PHIP: variants seen among roughly 807,000 people sequenced by gnomAD.
PHIP encodes the protein PHIP subunit of CUL4-Ring ligase complex.
In PHIP, 54 loss-of-function variants were observed where a neutral mutation model predicts 236.8. That is an observed-to-expected ratio of 0.23 (90% CI 0.18 to 0.29). The LOEUF (loss-of-function observed/expected upper bound fraction) is 0.29, where lower values mean the gene tolerates loss of function less well. PHIP is among the 10% of genes least tolerant of loss of function. The pLI is 1.00. For missense variants in PHIP, 1,370 were observed against 2,190.8 expected (o/e 0.63, Z 7.48); for synonymous variants, 756 against 718.9 (o/e 1.05, Z -0.83).
At chr6:78,959,482 T>A (rs1358735275) in intron 31 of PHIP, among the ~76,000 whole-genome samples, 1 of 152,072 alleles carries the variant, frequency 6.6e-6, no homozygotes, top group Admixed American at 6.6e-5. Context: ...CAGGGCAAAC[T>A]GACAGTAATA....
intron 6 of PHIP, among the ~76,000 whole-genome samples, chr6:79,047,603 G>A (rs1461729138): frequency 3.3e-5 from 5 of 152,026 alleles, no homozygotes; most frequent in East Asian, 1.9e-4. Context: ...CAAGTTACTC[G>A]TTCTAAACTT....
chr6:79,042,064 T>TA (rs1399405747), intron 7 of PHIP, among the ~76,000 whole-genome samples: 1 of 152,010 alleles, frequency 6.6e-6, no homozygotes, highest in African/African-American at 2.4e-5. Context: ...CAAAAGAAAT[T>TA]AAAAACCTTG....
At chr6:78,980,870 A>G (rs1768480556) in intron 23 of PHIP, among the ~76,000 whole-genome samples, 1 of 152,080 alleles carries the variant, frequency 6.6e-6, no homozygotes, top group Non-Finnish European at 1.5e-5. Flanking sequence ...AATATGGACT[A>G]TTAATTGCTA....
At chr6:79,042,734 G>T in intron 7 of PHIP, 109 bp downstream of exon 7, 1 of 700,686 alleles carries the variant, frequency 1.4e-6, no homozygotes, top group Non-Finnish European at 2.2e-6. Context: ...CTGAATTTCC[G>T]GTTTCCTATT....
intron 4 of PHIP, among the ~76,000 whole-genome samples, chr6:79,064,498 G>C (rs1773527634): frequency 1.3e-5 from 2 of 152,106 alleles, no homozygotes; most frequent in Admixed American, 1.3e-4. Context: ...ACAAAAAATA[G>C]CTCTTATCAA....
Position 79,078,099 on chromosome 6 carries a change from G to A in PHIP, c.-31C>T. The A allele has an allele frequency of 6.2e-7, 1 of 1,605,268 alleles. No homozygotes were observed. The highest frequency in any genetic ancestry group is 1.3e-5 in the African/African-American group (1 of 74,328). ...TGGGTCACTTCAGGGCCGCCGACGGGACACCCCGCCGCCGAGGGGAAGCGG... is the reference window on the plus strand; with the variant it reads ...TGGGTCACTTCAGGGCCGCCGACGGAACACCCCGCCGCCGAGGGGAAGCGG... On this transcript the variant is annotated 5_prime_UTR_variant, in exon 1 of 40. Transcript: ENST00000275034.
At chr6:78,978,519 C>G (rs563879367) in intron 24 of PHIP, 73 bp downstream of exon 24, 7 of 1,234,110 alleles carry the variant, frequency 5.7e-6, no homozygotes, top group Non-Finnish European at 5.7e-6. Context: ...TTCCAGAAGT[C>G]TATTTCAAGA....
intron 35 of PHIP, among the ~76,000 whole-genome samples, 183 bp from the exon 36 acceptor site, chr6:78,947,958 C>CA (rs1282613685): frequency 6.6e-6 from 1 of 151,936 alleles, no homozygotes; most frequent in Non-Finnish European, 1.5e-5. Flanking sequence ...TACTCCCCCC[C>CA]CTTATACTGC....
intron 4 of PHIP, among the ~76,000 whole-genome samples, chr6:79,075,713 G>A (rs1251249084): frequency 6.6e-6 from 1 of 151,670 alleles, no homozygotes; most frequent in Non-Finnish European, 1.5e-5. Context: ...ACATTAAGCT[G>A]CTTCATTTAA....
intron 15 of PHIP, among the ~76,000 whole-genome samples, chr6:79,010,705 C>A (rs756986005): frequency 6.6e-6 from 1 of 151,524 alleles, no homozygotes; most frequent in African/African-American, 2.4e-5. Context: ...AAAGCAAAAC[C>A]GCCAGAAACA....
chr6:78,966,098 G>A, intron 27 of PHIP, 42 bp from the exon 28 acceptor site: 1 of 1,192,550 alleles, frequency 8.4e-7, no homozygotes, highest in Non-Finnish European at 1.3e-6. Context: ...TGAAATGCAT[G>A]GCTGCTGTCA....
rs1361379556 is a variant in PHIP, at chr6:78,941,090, G to A, written c.5069C>T (p.Ser1690Leu). The A allele has an allele frequency of 1.2e-6, 2 of 1,613,940 alleles. No homozygotes were observed. The highest frequency in any genetic ancestry group is 8.5e-7 in the Non-Finnish European group (1 of 1,179,890). Residue 1690 changes from serine to leucine, a missense_variant, in exon 40 of 40, where the codon TCA (serine) becomes TTA (leucine). Ser to Leu is a moderately radical substitution (Grantham distance 145, BLOSUM62 -2). Coordinates refer to ENST00000275034, the MANE Select transcript of PHIP (RefSeq NM_017934.7). ...HPIRDEVLPSSTCNFLSETNN... is the reference protein window; with the variant it reads ...HPIRDEVLPSLTCNFLSETNN... Reference sequence around the variant, plus strand: ...AGTTTCAGAAAGAAAATTGCATGTTGAAGAAGGAAGTACTTCATCTCTGAT... The same window carrying A: ...AGTTTCAGAAAGAAAATTGCATGTTAAAGAAGGAAGTACTTCATCTCTGAT...
chr6:79,035,584 C>T (rs1562197005), intron 7 of PHIP, among the ~76,000 whole-genome samples: 1 of 152,298 alleles, frequency 6.6e-6, no homozygotes, highest in Admixed American at 6.5e-5. Context: ...CTACTGTTAT[C>T]TGGCAGAGTC....
At chr6:79,055,184 A>T (rs931837018) in intron 6 of PHIP, among the ~76,000 whole-genome samples, 1 of 152,158 alleles carries the variant, frequency 6.6e-6, no homozygotes, top group African/African-American at 2.4e-5. Flanking sequence ...AAAGACCTAG[A>T]GATAAAAAGT....
At chr6:79,059,626 A>ATATATATATATATATATATATGTAT (rs1562216785) in intron 6 of PHIP, among the ~76,000 whole-genome samples, 1 of 43,206 alleles carries the variant, frequency 2.3e-5, no homozygotes, top group Non-Finnish European at 5.1e-5. Flanking sequence ...TATATATATA[A>ATATATATATATATATATATATGTAT]AAATGCCAAA....
intron 21 of PHIP, among the ~76,000 whole-genome samples, chr6:78,986,090 C>G (rs750817554): frequency 7.9e-5 from 12 of 152,162 alleles, no homozygotes; most frequent in Middle Eastern, 3.4e-3. Flanking sequence ...ACTAAGCTTT[C>G]TCTTCTATAG....
chr6:79,061,460 A>G (rs1773373744), intron 4 of PHIP, among the ~76,000 whole-genome samples: 1 of 152,116 alleles, frequency 6.6e-6, no homozygotes, highest in Admixed American at 6.6e-5. Context: ...GACACATAAC[A>G]TGTGATGTCT....
chr6:78,962,956 CAA>C, intron 30 of PHIP, 139 bp downstream of exon 30: 2 of 662,926 alleles, frequency 3.0e-6, no homozygotes, highest in Non-Finnish European at 2.5e-6. Flanking sequence ...AGACCACATT[CAA>C]AAAGAGATTC....
At chr6:78,948,696 G>A (rs1773969422) in intron 35 of PHIP, among the ~76,000 whole-genome samples, 1 of 152,094 alleles carries the variant, frequency 6.6e-6, no homozygotes, top group African/African-American at 2.4e-5. Flanking sequence ...GTCTTAGCAT[G>A]TTGCTGAGAC....
Sources: gnomAD v4.1 joint callset for allele counts (sites outside exome capture counted in the v4.1 genomes callset) on GRCh38, gnomAD v4.1.1 for gene constraint, MANE v1.5 for transcripts, NCBI Gene and HGNC (gene_info 2026-07-23, HGNC 2026-07-21) for gene names.